Variants in IFI16 observed in about 807,000 individuals in gnomAD.
IFI16 encodes the protein gamma-interferon-inducible protein 16.
A neutral mutation model predicts 68.4 loss-of-function variants in IFI16; 49 were observed. The ratio of observed to expected loss-of-function variants is 0.72; its 90% CI spans 0.57 to 0.91. IFI16 has a LOEUF of 0.91. Among genes scored for constraint, IFI16 ranks in the 40% least tolerant of loss-of-function variants. The pLI is 0.00. For synonymous variants in IFI16, 307 were observed against 315.0 expected (o/e 0.97, Z 0.27); for missense variants, 878 against 942.9 (o/e 0.93, Z 0.90).
intron 6 of IFI16, among the ~76,000 whole-genome samples, chr1:159,029,686 T>C (rs1032048521): frequency 1.3e-5 from 2 of 151,612 alleles, no homozygotes; most frequent in African/African-American, 4.8e-5. Flanking sequence ...TCAGTTTTTT[T>C]TTTTTTTTTT....
At chr1:159,023,228 G>A (rs1034706718) in intron 6 of IFI16, among the ~76,000 whole-genome samples, 2 of 152,096 alleles carry the variant, frequency 1.3e-5, no homozygotes, top group African/African-American at 4.8e-5. Flanking sequence ...TAGCACTTTT[G>A]TTATAGTTCT....
intron 7 of IFI16, among the ~76,000 whole-genome samples, chr1:159,043,171 T>A (rs1331256241): frequency 6.6e-6 from 1 of 152,212 alleles, no homozygotes; most frequent in African/African-American, 2.4e-5. Context: ...TCTTTCCTGG[T>A]TCTTCTTGGG....
chr1:159,053,379 C>G, intron 10 of IFI16, 154 bp from the exon 11 acceptor site: 1 of 456,024 alleles, frequency 2.2e-6, no homozygotes, highest in Non-Finnish European at 3.9e-6. Flanking sequence ...ATTCAAAGAC[C>G]AAGTATCTTA....
upstream of IFI16, among the ~76,000 whole-genome samples, chr1:159,004,004 T>G (rs1323831594): frequency 2.6e-5 from 4 of 152,298 alleles, no homozygotes; most frequent in Admixed American, 2.6e-4. Flanking sequence ...ACTTGATACC[T>G]TAAACATTCA....
At chr1:159,022,033 G>C (rs536752405) in intron 6 of IFI16, among the ~76,000 whole-genome samples, 2 of 130,332 alleles carry the variant, frequency 1.5e-5, no homozygotes, top group South Asian at 2.6e-4. Context: ...GCGCTATCTC[G>C]GCTTACTGCA....
rs749704404 is a variant in IFI16 at position 159,018,256 on chromosome 1, G to A, written c.577G>A (p.Val193Ile). The change falls in exon 5 of 12, where the codon GTA (valine) becomes ATA (isoleucine). Residue 193 changes from valine (V) to isoleucine (I), a missense_variant. Around this residue, in one of 4 missense-constraint regions of IFI16, gnomAD observed 443 missense variants for 421.8 expected, o/e 1.05. Coordinates refer to ENST00000295809, the MANE Select transcript of IFI16 (RefSeq NM_001376587.1). Reference protein sequence around the residue: ...ENPKTVAKCQVTPRRNVLQKR... With the variant: ...ENPKTVAKCQITPRRNVLQKR... ...CCCGAAAACAGTGGCCAAATGTCAG[G>A]TAACTCCCAGAAGAAATGTTCTCCA... The A allele has an allele frequency of 1.2e-6, 2 of 1,613,860 alleles. No individual in the cohort carries two copies. Among genetic ancestry groups the A allele is most frequent in the Admixed American group, 1.7e-5 (1 of 59,980 alleles).
chr1:159,007,176 G>T (rs981361502), upstream of IFI16, among the ~76,000 whole-genome samples: 1 of 152,188 alleles, frequency 6.6e-6, no homozygotes, highest in Non-Finnish European at 1.5e-5. Context: ...TTCCATTCAT[G>T]TGAGAGTTGG....
At chr1:159,043,966 C>G (rs569149148) in intron 7 of IFI16, among the ~76,000 whole-genome samples, 51 of 152,308 alleles carry the variant, frequency 3.3e-4, no homozygotes, top group African/African-American at 1.2e-3. Context: ...TATATTACCT[C>G]CATACAAGGT....
At chr1:159,051,280 T>C (rs1222056042) in intron 9 of IFI16, among the ~76,000 whole-genome samples, 1 of 152,108 alleles carries the variant, frequency 6.6e-6, no homozygotes, top group Non-Finnish European at 1.5e-5. Context: ...GTGCTCAATA[T>C]GACCTGACCT....
At chr1:159,021,307 TC>T (rs1432161660) in intron 6 of IFI16, among the ~76,000 whole-genome samples, 3 of 152,198 alleles carry the variant, frequency 2.0e-5, no homozygotes, top group African/African-American at 7.2e-5. Context: ...TGCCTTTGTG[TC>T]CTCATAGCTT....
rs1653968090 is a variant in IFI16, at chr1:159,031,022, G to A, written c.1162-1502G>A. ...CAGGGAAAGCTGATGCTGCTGTGGG[G>A]GATGGGGTGTGATTCTCAGGCCAAT... On this transcript the variant is annotated intron_variant, in intron 6 of 11. Transcript: ENST00000295809. 1.3e-5 allele frequency among the ~76,000 whole-genome samples: 2 copies of A among 152,062 alleles called. 1 individual carries two copies. Among genetic ancestry groups the A allele is most frequent in the South Asian group, 4.1e-4 (2 of 4,820 alleles).
intron 9 of IFI16, 107 bp from the exon 10 acceptor site, chr1:159,051,572 A>G: frequency 1.3e-6 from 1 of 796,930 alleles, no homozygotes; most frequent in Non-Finnish European, 2.0e-6. Flanking sequence ...TTACCCAGTT[A>G]AGGTGATACT....
intron 6 of IFI16, 59 bp downstream of exon 6, chr1:159,020,588 T>C (rs936697794): frequency 2.8e-5 from 38 of 1,360,732 alleles, no homozygotes; most frequent in Admixed American, 8.3e-5. Context: ...GCTTTAAGTT[T>C]TGGCAAAAAC....
chr1:159,020,268 G>A, intron 5 of IFI16, 73 bp from the exon 6 acceptor site: 1 of 1,088,500 alleles, frequency 9.2e-7, no homozygotes, highest in Non-Finnish European at 1.4e-6. Flanking sequence ...AACTCTCTTA[G>A]AAGGGACTTC....
chr1:159,041,848 C>T (rs1654666170), intron 7 of IFI16, among the ~76,000 whole-genome samples: 1 of 152,094 alleles, frequency 6.6e-6, no homozygotes, highest in Non-Finnish European at 1.5e-5. Context: ...ATATATGGAG[C>T]CCATACCTAC....
Position 159,021,141 on chromosome 1 carries a change from G to C in IFI16, c.1161+612G>C, listed in dbSNP as rs112408480. 1.5e-3 allele frequency among the ~76,000 whole-genome samples: 234 copies of C among 152,234 alleles called. 2 individuals carry two copies. Among genetic ancestry groups the C allele is most frequent in the Middle Eastern group, 0.01 (3 of 294 alleles). On this transcript the variant is annotated intron_variant, in intron 6 of 11. Coordinates refer to ENST00000295809, the MANE Select transcript of IFI16 (RefSeq NM_001376587.1). ...GTTTTTGGGAAACAGGTGGTGCTTC[G>C]TTATAGGAATAAGTTCTTTAGTGGT...
In IFI16 at chr1:159,014,892, A is replaced by G. The variant is rs760760753; in HGVS notation, c.212A>G (p.Asp71Gly). 16 of 1,613,574 alleles carry G rather than the reference A, an allele frequency of 9.9e-6. 1 individual carries two copies. The East Asian group carries it at 3.3e-4, about 34-fold the overall frequency. ...GGCAAACTAATAAAAATTTTCGAAG[A>G]TATACCAACGCTTGAAGACCTGGCT... ...GLGKLIKIFE[D>G]IPTLEDLAET... The change falls in exon 2 of 12, where the codon GAT becomes GGT. Residue 71 changes from aspartate to glycine, a missense_variant. Coordinates refer to ENST00000295809, the MANE Select transcript of IFI16 (RefSeq NM_001376587.1).
intron 1 of IFI16, among the ~76,000 whole-genome samples, chr1:159,013,162 CTTTTTTTTTTTTTT>C (rs59743054): frequency 9.7e-4 from 53 of 54,684 alleles, no homozygotes; most frequent in Admixed American, 2.8e-3. Context: ...AAGAAGGAAG[CTTTTTTTTTTTTTT>C]TTTTTTTTTT....
chr1:159,006,992 A>G (rs537963464), upstream of IFI16, among the ~76,000 whole-genome samples: 13 of 152,338 alleles, frequency 8.5e-5, no homozygotes, highest in East Asian at 9.6e-4. Context: ...TCACAAATAC[A>G]TATGTTAAGT....
Sources: gnomAD v4.1 joint callset for allele counts (sites outside exome capture counted in the v4.1 genomes callset) on GRCh38, gnomAD v4.1.1 for gene constraint, gnomAD v4.1.1 regional missense constraint, MANE v1.5 for transcripts, NCBI Gene and HGNC (gene_info 2026-07-23, HGNC 2026-07-21) for gene names.